The following OPCML variants were observed in gnomAD, a reference collection of about 807,000 sequenced individuals.
OPCML encodes opioid binding protein/cell adhesion molecule like.
OPCML carries 13 observed loss-of-function variants against 37.8 expected under a neutral mutation model. The ratio of observed to expected loss-of-function variants is 0.34; its 90% CI spans 0.22 to 0.55. The LOEUF is 0.55. Ranked by LOEUF, OPCML falls within the 20% of genes least tolerant of loss-of-function variation. The pLI, the probability that OPCML is intolerant of heterozygous loss-of-function variation, is 0.91. For missense variants in OPCML, 341 were observed against 435.6 expected, an observed-to-expected ratio of 0.78 and a Z score of 1.93; for synonymous variants, 176 against 168.8, an observed-to-expected ratio of 1.04 and a Z score of -0.33.
rs982979867 is a variant in OPCML at position 133,208,274 on chromosome 11, G to A, written c.62-265264C>T. Among the ~76,000 whole-genome samples, 5 of 152,090 alleles carry A rather than the reference G, an allele frequency of 3.3e-5. No individual in the cohort carries two copies. Among genetic ancestry groups the A allele is most frequent in the Middle Eastern group, 3.2e-3 (1 of 316 alleles). The stretch of plus-strand genomic sequence containing the variant: ...TTGCACTGTATTGTTGTATTACCAC[G>A]TATAAATACCAGTGAGTGAATGAAT... On this transcript the variant is annotated intron_variant, in intron 1 of 7. Coordinates refer to ENST00000524381, the MANE Select transcript of OPCML (RefSeq NM_001012393.5). The surrounding 1 kb of genome is among the most constrained non-coding windows in gnomAD (Gnocchi z 8.9).
intron 1 of OPCML, among the ~76,000 whole-genome samples, chr11:132,994,274 A>T (rs1946839236): frequency 6.6e-6 from 1 of 152,204 alleles, no homozygotes; most frequent in African/African-American, 2.4e-5. Context: ...TACGGCCGGA[A>T]CTCGGGCTAT....
In OPCML at chr11:133,211,484, A is replaced by G. The variant is rs1392363981; in HGVS notation, c.62-268474T>C. On this transcript the variant is annotated intron_variant, in intron 1 of 7. Coordinates refer to ENST00000524381, the MANE Select transcript of OPCML (RefSeq NM_001012393.5). This position sits in a 1 kb window ranked among gnomAD's most constrained non-coding sequence, Gnocchi z 4.1. Reference sequence around the variant, plus strand: ...TCAATCAGCAGCCTTGAGTCCTTGGAGATACCCCTCCTCAGACACTGTTGC... The same window carrying G: ...TCAATCAGCAGCCTTGAGTCCTTGGGGATACCCCTCCTCAGACACTGTTGC... Among the ~76,000 whole-genome samples, 3 of 152,142 alleles carry G rather than the reference A, an allele frequency of 2.0e-5. No individual in the cohort carries two copies. Among genetic ancestry groups the G allele is most frequent in the African/African-American group, 7.2e-5 (3 of 41,402 alleles).
intron 3 of OPCML, among the ~76,000 whole-genome samples, chr11:132,585,961 C>T (rs1366654085): frequency 6.6e-6 from 1 of 152,140 alleles, no homozygotes; most frequent in African/African-American, 2.4e-5. Flanking sequence ...GATGCAGAAT[C>T]TGAATTGACA....
At chr11:133,263,325 A>G (rs533654359) in intron 1 of OPCML, among the ~76,000 whole-genome samples, 44 of 152,258 alleles carry the variant, frequency 2.9e-4, no homozygotes, top group African/African-American at 7.7e-4. Context: ...GTGGTCCCAT[A>G]AGATTATATA....
At chr11:133,000,712 A>C (rs1255422450) in intron 1 of OPCML, among the ~76,000 whole-genome samples, 1 of 152,226 alleles carries the variant, frequency 6.6e-6, no homozygotes, top group Non-Finnish European at 1.5e-5. Flanking sequence ...ATTAGAGAAA[A>C]AAGATGTTCC....
chr11:132,583,446 G>A (rs75470688), intron 3 of OPCML, among the ~76,000 whole-genome samples: 13,383 of 151,918 alleles, frequency 0.088, 1,232 homozygotes, highest in African/African-American at 0.22. Flanking sequence ...CTACAGGCAC[G>A]TGCCACTGTG....
At chr11:133,230,487 G>T (rs772122231) in intron 1 of OPCML, among the ~76,000 whole-genome samples, 2 of 152,096 alleles carry the variant, frequency 1.3e-5, no homozygotes, top group Non-Finnish European at 2.9e-5. Context: ...AGGAACAAAA[G>T]CACAGGCCTT....
chr11:132,786,888 G>T (rs754422263), intron 2 of OPCML, among the ~76,000 whole-genome samples: 4 of 152,116 alleles, frequency 2.6e-5, no homozygotes, highest in Non-Finnish European at 5.9e-5. Context: ...TGTACAGGAG[G>T]CTGGGTGGTG....
At chr11:133,427,459 A>G (rs1300262991) in intron 1 of OPCML, among the ~76,000 whole-genome samples, 2 of 152,018 alleles carry the variant, frequency 1.3e-5, no homozygotes, top group Non-Finnish European at 2.9e-5. Flanking sequence ...TGAAGACAAA[A>G]CTTACCAAAA....
At chr11:132,527,560 T>G (rs2096311830) in intron 4 of OPCML, among the ~76,000 whole-genome samples, 1 of 152,150 alleles carries the variant, frequency 6.6e-6, no homozygotes, top group African/African-American at 2.4e-5. Flanking sequence ...TTTTTTCAGT[T>G]TGAAGTGGAG....
intron 2 of OPCML, among the ~76,000 whole-genome samples, chr11:132,725,611 G>T (rs543266311): frequency 9.5e-4 from 145 of 152,008 alleles, no homozygotes; most frequent in African/African-American, 2.9e-3. Context: ...GCATTGTTAG[G>T]CTGCAAATTT....
chr11:132,718,529 G>A (rs1275290239), intron 2 of OPCML, among the ~76,000 whole-genome samples: 3 of 152,104 alleles, frequency 2.0e-5, no homozygotes, highest in African/African-American at 4.8e-5. Flanking sequence ...TTACTCTCAC[G>A]ACGGTGGGGT....
intron 1 of OPCML, among the ~76,000 whole-genome samples, chr11:133,015,132 C>T (rs1352116541): frequency 6.6e-6 from 1 of 151,960 alleles, no homozygotes; most frequent in Non-Finnish European, 1.5e-5. Flanking sequence ...AATAAATTTA[C>T]ATAGATCTGA....
intron 1 of OPCML, among the ~76,000 whole-genome samples, chr11:133,484,160 ATAGG>A (rs538066746): frequency 0.07 from 10,404 of 148,210 alleles, 666 homozygotes; most frequent in African/African-American, 0.18. Flanking sequence ...AGATAGATAG[ATAGG>A]TAGATAGATA....
intron 3 of OPCML, among the ~76,000 whole-genome samples, chr11:132,535,398 C>A (rs535695541): frequency 2.1e-4 from 32 of 152,108 alleles, no homozygotes; most frequent in African/African-American, 4.8e-4. Flanking sequence ...TCCTGCCCAG[C>A]CAGGACCCAG....
At chr11:132,716,500 G>A (rs1320040142) in intron 2 of OPCML, among the ~76,000 whole-genome samples, 3 of 151,864 alleles carry the variant, frequency 2.0e-5, no homozygotes, top group African/African-American at 4.8e-5. Flanking sequence ...AAAGCCAAAT[G>A]CCAATTGAAA....
At chr11:132,511,708 A>T (rs1172227343) in intron 4 of OPCML, among the ~76,000 whole-genome samples, 1 of 152,138 alleles carries the variant, frequency 6.6e-6, no homozygotes, top group Non-Finnish European at 1.5e-5. Context: ...ATGGAAAAAA[A>T]ATGAATCTCA....
At chr11:133,284,010 A>G (rs562618063) in intron 1 of OPCML, among the ~76,000 whole-genome samples, 1 of 152,216 alleles carries the variant, frequency 6.6e-6, no homozygotes, top group Non-Finnish European at 1.5e-5. Flanking sequence ...TTCCGCCAGC[A>G]GTAATCAGCC....
intron 1 of OPCML, among the ~76,000 whole-genome samples, chr11:133,075,929 T>C (rs1948614515): frequency 1.3e-5 from 2 of 152,192 alleles, no homozygotes; most frequent in Non-Finnish European, 2.9e-5. Context: ...GTTATTTGAA[T>C]GATAAACCTA....
Sources: gnomAD v4.1 joint callset for allele counts (sites outside exome capture counted in the v4.1 genomes callset) on GRCh38, gnomAD v4.1.1 for gene constraint, Gnocchi (gnomAD v3.1) non-coding constraint, MANE v1.5 for transcripts, NCBI Gene and HGNC (gene_info 2026-07-23, HGNC 2026-07-21) for gene names.